TBX20: variants seen among roughly 807,000 people sequenced by gnomAD.
TBX20 encodes the protein T-box transcription factor 20, also known as T-box transcription factor TBX20.
TBX20 carries 8 observed loss-of-function variants against 42.9 expected under a neutral mutation model. The ratio of observed to expected loss-of-function variants is 0.19; its 90% CI spans 0.11 to 0.34. The LOEUF (loss-of-function observed/expected upper bound fraction) is 0.34, where lower values mean the gene tolerates loss of function less well. Ranked by LOEUF, TBX20 falls within the 10% of genes least tolerant of loss-of-function variation. The pLI, the probability that TBX20 is intolerant of heterozygous loss-of-function variation, is 1.00. For missense variants in TBX20, 411 were observed against 566.0 expected, an observed-to-expected ratio of 0.73 and a Z score of 2.78; for synonymous variants, 198 against 222.8, an observed-to-expected ratio of 0.89 and a Z score of 0.99.
chr7:35,222,132 T>A (rs1789693914), intron 6 of TBX20, among the ~76,000 whole-genome samples: 2 of 152,192 alleles, frequency 1.3e-5, no homozygotes, highest in Non-Finnish European at 2.9e-5. Context: ...TGAACTAAAC[T>A]GGGTTTAAGG....
chr7:35,247,341 T>C (rs1790213641), intron 3 of TBX20, among the ~76,000 whole-genome samples: 1 of 151,952 alleles, frequency 6.6e-6, no homozygotes, highest in Admixed American at 6.6e-5. Flanking sequence ...TTAATATCTA[T>C]TATAAACTGG....
intron 6 of TBX20, among the ~76,000 whole-genome samples, chr7:35,214,206 C>T (rs567987586): frequency 5.5e-4 from 83 of 152,198 alleles, no homozygotes; most frequent in African/African-American, 1.9e-3. Context: ...TTTATTCTGC[C>T]TGTCTGTATA....
At chr7:35,202,829 T>C in intron 7 of TBX20, 59 bp from the exon 8 acceptor site, 2 of 1,521,364 alleles carry the variant, frequency 1.3e-6, no homozygotes, top group Non-Finnish European at 1.8e-6. Flanking sequence ...GATCAAGAAT[T>C]AAATTATCTG....
At chr7:35,246,461 G>T (rs910622296) in intron 3 of TBX20, among the ~76,000 whole-genome samples, 5 of 152,158 alleles carry the variant, frequency 3.3e-5, no homozygotes, top group Non-Finnish European at 5.9e-5. Context: ...TAAAGTTGAT[G>T]AAATGTTCCC....
At position 35,241,035 on chromosome 7, in the gene TBX20, T is replaced by G. The variant is rs483353002; in HGVS notation, c.657A>C (p.Ile219=). 2 of 1,613,804 alleles carry G rather than the reference T, an allele frequency of 1.2e-6. No homozygotes were observed. Among genetic ancestry groups the G allele is most frequent in the Non-Finnish European group, 1.7e-6 (2 of 1,179,736 alleles). The change falls in exon 5 of 8, where the codon ATA becomes ATC. Residue 219 remains isoleucine (I), a splice_region_variant and synonymous_variant. Transcript: ENST00000408931. ...GGTACTTATGCATTGAGTTCAAAAT[T>G]ATCTACAACAAAAAGATGGGAAGTA... ...TNNELDQHGH[I]ILNSMHKYQP... is the part of the protein sequence containing the mutation.
rs139651523 is a variant in TBX20, at chr7:35,253,903, C to T, written c.-283G>A. The T allele has an allele frequency of 2.3e-3, 1,008 of 443,056 alleles. 23 individuals are homozygous for T. In the East Asian group the frequency reaches 0.035, roughly 15 times the overall value. The allele number at this position is 443,056 out of a possible 1,614,324, so 27.4% of individuals were successfully genotyped here. A position where few individuals can be genotyped will look rare whatever the true frequency, so the allele number is the denominator to read the frequency against. The stretch of plus-strand genomic sequence containing the variant: ...GCACGCCCCGGGGCGCTCGGCAGGA[C>T]GACAGTCTGCACAGCCCGAAGGCGG... On this transcript the variant is annotated 5_prime_UTR_variant, in exon 1 of 8. Coordinates refer to ENST00000408931, the MANE Select transcript of TBX20 (RefSeq NM_001077653.2).
Position 35,207,139 on chromosome 7 carries a change from A to G in TBX20, c.891-2557T>C, listed in dbSNP as rs552946798. Among the ~76,000 whole-genome samples the G allele has an allele frequency of 3.3e-4, 51 of 152,340 alleles. No individual in the cohort carries two copies. In the East Asian group the frequency reaches 9.4e-3, roughly 28 times the overall value. On this transcript the variant is annotated intron_variant, in intron 6 of 7. Coordinates refer to ENST00000408931, the MANE Select transcript of TBX20 (RefSeq NM_001077653.2). The stretch of plus-strand genomic sequence containing the variant: ...AATTTAGCATTCCCACCATCAGTGT[A>G]TGAGAACTCCAGGTCCTCTATACTC...
intron 1 of TBX20, among the ~76,000 whole-genome samples, 168 bp from the exon 2 acceptor site, chr7:35,250,371 G>A (rs527683546): frequency 1.3e-4 from 20 of 152,312 alleles, no homozygotes; most frequent in African/African-American, 4.8e-4. Context: ...AAAATTACCT[G>A]GGATTCCCAC....
Position 35,240,819 on chromosome 7 carries a change from T to C in TBX20, c.813+60A>G. The C allele has an allele frequency of 2.7e-6, 4 of 1,492,658 alleles. No individual in the cohort carries two copies. In the South Asian group the frequency reaches 4.6e-5, roughly 17 times the overall value. 92.5% of individuals were successfully genotyped at this position (1,492,658 alleles called of 1,614,324 possible). A position where few individuals can be genotyped will look rare whatever the true frequency, so the allele number is the denominator to read the frequency against. On this transcript the variant is annotated intron_variant, in intron 5 of 7. Coordinates refer to ENST00000408931, the MANE Select transcript of TBX20 (RefSeq NM_001077653.2). Reference sequence around the variant, plus strand: ...GGGATATCTCTTCTCTCCAAGAAAATATAAGAACCTCCTAAATCCTTCTCT... The same window carrying C: ...GGGATATCTCTTCTCTCCAAGAAAACATAAGAACCTCCTAAATCCTTCTCT...
At chr7:35,211,744 A>T (rs1489987964) in intron 6 of TBX20, among the ~76,000 whole-genome samples, 1 of 152,156 alleles carries the variant, frequency 6.6e-6, no homozygotes, top group Non-Finnish European at 1.5e-5. Flanking sequence ...TACTTTAAAG[A>T]TGTTGCTTCA....
intron 3 of TBX20, among the ~76,000 whole-genome samples, chr7:35,245,924 T>C (rs191414357): frequency 6.6e-6 from 1 of 152,296 alleles, no homozygotes; most frequent in African/African-American, 2.4e-5. Context: ...ACAGAACTAA[T>C]GAAGGGGAAG....
At chr7:35,246,208 G>T (rs986179812) in intron 3 of TBX20, among the ~76,000 whole-genome samples, 1 of 152,164 alleles carries the variant, frequency 6.6e-6, no homozygotes, top group African/African-American at 2.4e-5. Flanking sequence ...CACAAAAAAG[G>T]TTGACAGCAC....
intron 1 of TBX20, 89 bp downstream of exon 1, chr7:35,253,405 G>C (rs1790342386): frequency 6.8e-7 from 1 of 1,467,024 alleles, no homozygotes; most frequent in East Asian, 2.5e-5. Context: ...TTGAGCATCA[G>C]ACGTTGCTGC....
At chr7:35,245,613 A>G (rs578122959) in intron 3 of TBX20, among the ~76,000 whole-genome samples, 1 of 152,336 alleles carries the variant, frequency 6.6e-6, no homozygotes, top group South Asian at 2.1e-4. Flanking sequence ...GAGAACTCCC[A>G]GTAGTCCACC....
chr7:35,251,120 C>T (rs1053400358), intron 1 of TBX20, among the ~76,000 whole-genome samples: 5 of 152,210 alleles, frequency 3.3e-5, no homozygotes, highest in African/African-American at 1.2e-4. Context: ...TGATAAGGGC[C>T]TGGGACTACA....
At chr7:35,242,095 C>T (rs1790094397) in intron 4 of TBX20, among the ~76,000 whole-genome samples, 1 of 152,136 alleles carries the variant, frequency 6.6e-6, no homozygotes, top group African/African-American at 2.4e-5. Context: ...CTGCTGGTTG[C>T]TGCTGCTAGT....
At chr7:35,250,461 C>T (rs1187845513) in intron 1 of TBX20, among the ~76,000 whole-genome samples, 1 of 152,176 alleles carries the variant, frequency 6.6e-6, no homozygotes, top group African/African-American at 2.4e-5. Flanking sequence ...CTGCAGCCCA[C>T]TTTGGGAAAT....
chr7:35,212,096 C>A (rs760899283), intron 6 of TBX20, among the ~76,000 whole-genome samples: 28 of 152,186 alleles, frequency 1.8e-4, no homozygotes, highest in Non-Finnish European at 3.1e-4. Flanking sequence ...AACTGACACT[C>A]TTTCAATTTT....
chr7:35,213,072 T>TG, intron 6 of TBX20, among the ~76,000 whole-genome samples: 1 of 152,164 alleles, frequency 6.6e-6, no homozygotes, highest in African/African-American at 2.4e-5. Flanking sequence ...CTATACCCCC[T>TG]CAGGAAATAA....
Sources: allele counts gnomAD v4.1 joint callset (sites outside exome capture counted in the v4.1 genomes callset), GRCh38; gene constraint gnomAD v4.1.1; transcripts MANE v1.5; gene names NCBI Gene and HGNC (gene_info 2026-07-23, HGNC 2026-07-21).